PCDHA3: variants seen among roughly 807,000 people sequenced by gnomAD.
PCDHA3 encodes the protein protocadherin alpha 3.
Under a neutral mutation model 62.2 loss-of-function variants are expected in PCDHA3, and 41 were observed. That is an observed-to-expected ratio of 0.66 (90% confidence interval 0.51 to 0.86). The LOEUF (loss-of-function observed/expected upper bound fraction) is 0.86. PCDHA3 is among the 40% of genes least tolerant of loss of function. PCDHA3 has a pLI of 0.00. For synonymous variants in PCDHA3, 640 were observed against 555.4 expected, an observed-to-expected ratio of 1.15 and a Z score of -2.14; for missense variants, 1,304 against 1,241.2, an observed-to-expected ratio of 1.05 and a Z score of -0.76.
chr5:140,986,285 A>AGACT (rs1311762694), intron 3 of PCDHA3, among the ~76,000 whole-genome samples: 3 of 152,134 alleles, frequency 2.0e-5, no homozygotes, highest in Admixed American at 2.0e-4. Flanking sequence ...GCTTCCCTTG[A>AGACT]GACTGAGCAG....
chr5:140,873,995 GT>G (rs1354813199), intron 1 of PCDHA3, among the ~76,000 whole-genome samples: 2 of 152,166 alleles, frequency 1.3e-5, no homozygotes, highest in African/African-American at 4.8e-5. Context: ...AGCATGTATG[GT>G]ACATTGACCA....
At chr5:140,819,523 A>C (rs1766575570) in intron 1 of PCDHA3, among the ~76,000 whole-genome samples, 2 of 152,158 alleles carry the variant, frequency 1.3e-5, no homozygotes, top group Admixed American at 6.5e-5. Flanking sequence ...TAACTGGATC[A>C]GTCAAGAAAA....
At chr5:140,898,705 A>G (rs1351081569) in intron 1 of PCDHA3, among the ~76,000 whole-genome samples, 2 of 152,142 alleles carry the variant, frequency 1.3e-5, no homozygotes, top group African/African-American at 4.8e-5. Flanking sequence ...ACTTTAAAGT[A>G]GTTTTTTCCA....
chr5:140,966,765 C>G (rs2096051420), intron 1 of PCDHA3: 7 of 1,482,914 alleles, frequency 4.7e-6, no homozygotes, highest in Non-Finnish European at 6.3e-6. Context: ...CGGCCAGTGG[C>G]TATGGAGCAG....
intron 1 of PCDHA3, chr5:140,927,331 A>T: frequency 6.2e-7 from 1 of 1,614,134 alleles, no homozygotes; most frequent in Non-Finnish European, 8.5e-7. Flanking sequence ...TACTCTCCCG[A>T]ATGCCCAAGA....
intron 1 of PCDHA3, chr5:140,808,858 C>A: frequency 6.2e-7 from 1 of 1,613,088 alleles, no homozygotes; most frequent in Non-Finnish European, 8.5e-7. Flanking sequence ...TCGTGCTGGA[C>A]GAAAACGACA....
intron 1 of PCDHA3, among the ~76,000 whole-genome samples, chr5:140,959,126 G>A (rs1417334893): frequency 6.6e-6 from 1 of 152,066 alleles, no homozygotes; most frequent in Non-Finnish European, 1.5e-5. Context: ...GGCGAGGTGA[G>A]CCCACTTTGG....
chr5:140,942,615 A>G (rs1310858123), intron 1 of PCDHA3, among the ~76,000 whole-genome samples: 1 of 101,274 alleles, frequency 9.9e-6, no homozygotes, highest in African/African-American at 4.7e-5. Context: ...ATATTTGCCA[A>G]TTGTAAAAAA....
At chr5:140,956,885 T>C (rs1156888418) in intron 1 of PCDHA3, among the ~76,000 whole-genome samples, 1 of 152,194 alleles carries the variant, frequency 6.6e-6, no homozygotes, top group Non-Finnish European at 1.5e-5. Context: ...TAGATATCAA[T>C]GAATGAATAT....
At chr5:140,881,523 C>T in intron 1 of PCDHA3, 1 of 194,568 alleles carries the variant, frequency 5.1e-6, no homozygotes, top group Non-Finnish European at 9.4e-6. Context: ...AAATCCCACA[C>T]ATATTGACTG....
intron 1 of PCDHA3, chr5:140,869,386 C>T: frequency 6.2e-7 from 1 of 1,614,176 alleles, no homozygotes; most frequent in Non-Finnish European, 8.5e-7. Context: ...CCGCGAGGAG[C>T]TGTGCGGGCA....
intron 1 of PCDHA3, chr5:140,804,748 T>C: frequency 4.6e-6 from 1 of 215,850 alleles, no homozygotes; most frequent in Non-Finnish European, 9.1e-6. Context: ...TTTGGTTATC[T>C]CCTCTAGCAA....
chr5:140,878,599 A>G (rs1308833361), intron 1 of PCDHA3, among the ~76,000 whole-genome samples: 4 of 152,220 alleles, frequency 2.6e-5, no homozygotes, highest in African/African-American at 2.4e-5. Context: ...TTACCAAGTG[A>G]ATCTTCTAAT....
Position 141,000,395 on chromosome 5 carries a change from C to CTA in PCDHA3, c.2543-9206_2543-9205dup, listed in dbSNP as rs1190667031. 1.6e-3 allele frequency among the ~76,000 whole-genome samples: 89 copies of CTA among 53,960 alleles called. 3 individuals carry two copies. Among genetic ancestry groups the CTA allele is most frequent in the Non-Finnish European group, 2.3e-3 (71 of 31,108 alleles). 35.4% of individuals were successfully genotyped at this position (53,960 alleles called of 152,430 possible). A position where few individuals can be genotyped will look rare whatever the true frequency, so the allele number is the denominator to read the frequency against. ...TCTCTCTCTCTCTCTCTCTCTCTCT[C>CTA]TATATATATATATATATATATATAT... On this transcript the variant is annotated intron_variant, in intron 3 of 3. Coordinates refer to ENST00000522353, the MANE Select transcript of PCDHA3 (RefSeq NM_018906.3).
chr5:140,967,020 C>G (rs782147091), intron 1 of PCDHA3: 4 of 1,607,570 alleles, frequency 2.5e-6, no homozygotes, highest in African/African-American at 1.3e-5. Flanking sequence ...CTGGGTGCGC[C>G]CAGTCCGCGC....
At chr5:140,909,870 C>T (rs2074741279) in intron 1 of PCDHA3, among the ~76,000 whole-genome samples, 1 of 152,206 alleles carries the variant, frequency 6.6e-6, no homozygotes. Context: ...GAGTCAACGT[C>T]AGCTTAGAGA....
At chr5:140,962,719 T>G (rs928199903) in intron 1 of PCDHA3, among the ~76,000 whole-genome samples, 1 of 152,224 alleles carries the variant, frequency 6.6e-6, no homozygotes, top group Non-Finnish European at 1.5e-5. Flanking sequence ...TTGGAAAGTA[T>G]TTTCCTTCTG....
intron 1 of PCDHA3, chr5:140,843,573 C>T (rs1380003956): frequency 6.3e-7 from 1 of 1,595,868 alleles, no homozygotes; most frequent in Admixed American, 1.7e-5. Flanking sequence ...TGGTCATACT[C>T]GCAACAACAG....
intron 1 of PCDHA3, among the ~76,000 whole-genome samples, chr5:140,952,530 A>C (rs246033): frequency 0.56 from 85,631 of 151,920 alleles, 24,768 homozygotes; most frequent in African/African-American, 0.69. Flanking sequence ...ACCTCCTCAG[A>C]CTGGACTTCT....
Sources: allele counts gnomAD v4.1 joint callset (sites outside exome capture counted in the v4.1 genomes callset), GRCh38; gene constraint gnomAD v4.1.1; transcripts MANE v1.5; gene names NCBI Gene and HGNC (gene_info 2026-07-23, HGNC 2026-07-21).